MGAT4C: variants seen among roughly 807,000 people sequenced by gnomAD.
MGAT4C encodes the protein MGAT4 family member C.
In MGAT4C, 19 loss-of-function variants were observed where a neutral mutation model predicts 40.1. The observed-to-expected ratio is 0.47, with a 90% CI of 0.33 to 0.70. MGAT4C has a LOEUF of 0.70. Among genes scored for constraint, MGAT4C ranks in the 30% least tolerant of loss-of-function variants. MGAT4C has a pLI of 0.02. For synonymous variants in MGAT4C, 181 were observed against 187.1 expected, an observed-to-expected ratio of 0.97 and a Z score of 0.27; for missense variants, 491 against 563.2, an observed-to-expected ratio of 0.87 and a Z score of 1.30.
At chr12:86,408,586 C>A (rs1956536182) in intron 3 of MGAT4C, among the ~76,000 whole-genome samples, 1 of 147,726 alleles carries the variant, frequency 6.8e-6, no homozygotes, top group African/African-American at 2.5e-5. Flanking sequence ...TTTTGCTTCC[C>A]CAACTGGTTT....
chr12:86,251,078 T>C (rs183126394), intron 1 of MGAT4C, among the ~76,000 whole-genome samples: 1 of 150,974 alleles, frequency 6.6e-6, no homozygotes, highest in Non-Finnish European at 1.5e-5. Context: ...GCTTATAAGA[T>C]TAGTTCATGA....
intron 4 of MGAT4C, among the ~76,000 whole-genome samples, chr12:86,316,050 A>G (rs1592687511): frequency 6.9e-6 from 1 of 144,278 alleles, no homozygotes; most frequent in African/African-American, 2.5e-5. Flanking sequence ...ACATGAATGG[A>G]AATTTTTCAA....
At chr12:86,507,412 G>A (rs998897338) in intron 2 of MGAT4C, among the ~76,000 whole-genome samples, 1 of 152,124 alleles carries the variant, frequency 6.6e-6, no homozygotes, top group African/African-American at 2.4e-5. Context: ...TTTGACTTGA[G>A]GTTTGAATAT....
At chr12:86,178,187 T>C (rs554956363) in intron 1 of MGAT4C, among the ~76,000 whole-genome samples, 236 of 152,254 alleles carry the variant, frequency 1.6e-3, no homozygotes, top group South Asian at 0.015. Context: ...CCGCCCGCCT[T>C]GGCCTCCCAA....
intron 1 of MGAT4C, among the ~76,000 whole-genome samples, chr12:86,167,030 G>A (rs1301751859): frequency 6.6e-6 from 1 of 152,022 alleles, no homozygotes; most frequent in African/African-American, 2.4e-5. Flanking sequence ...ATATACTTTA[G>A]TTCTCTCAAC....
At position 86,686,797 on chromosome 12, in the gene MGAT4C, T is replaced by G. The variant is rs1438003475; in HGVS notation, c.-229+40412A>C. 7.9e-5 allele frequency among the ~76,000 whole-genome samples: 12 copies of G among 152,226 alleles called. No individual in the cohort carries two copies. The East Asian group carries it at 2.3e-3, about 29-fold the overall frequency. On this transcript the variant is annotated intron_variant, in intron 2 of 7. Coordinates refer to the MGAT4C transcript ENST00000548651. ...TCGGAGATACTGGCCTGAATTTTTC[T>G]CTTTTTGTTATGTCTCTGCCAGGTT... is the stretch of plus-strand genomic sequence containing the variant.
intron 4 of MGAT4C, among the ~76,000 whole-genome samples, chr12:86,303,764 T>C (rs944616453): frequency 1.3e-5 from 2 of 150,572 alleles, no homozygotes. Context: ...ATTAATACAC[T>C]AATTTCATTT....
intron 3 of MGAT4C, among the ~76,000 whole-genome samples, chr12:86,376,842 G>A (rs201952407): frequency 3.2e-5 from 2 of 62,852 alleles, no homozygotes; most frequent in Non-Finnish European, 7.4e-5. Flanking sequence ...GAGAGAGAGA[G>A]ACAGAGAGAG....
chr12:86,597,398 G>A (rs1010802281), intron 2 of MGAT4C, among the ~76,000 whole-genome samples: 1 of 152,296 alleles, frequency 6.6e-6, no homozygotes, highest in South Asian at 2.1e-4. Context: ...GAAAAAGGAA[G>A]AGGGAGAAAT....
chr12:86,443,278 T>C (rs1957268546), intron 2 of MGAT4C, among the ~76,000 whole-genome samples: 1 of 152,122 alleles, frequency 6.6e-6, no homozygotes, highest in Non-Finnish European at 1.5e-5. Context: ...TTTCATGTTA[T>C]TACACAGGTT....
intron 1 of MGAT4C, among the ~76,000 whole-genome samples, chr12:86,739,989 T>C (rs1951044217): frequency 6.6e-6 from 1 of 150,952 alleles, no homozygotes; most frequent in Non-Finnish European, 1.5e-5. Context: ...GCTAAAAAGC[T>C]TCTCCAAGGA....
At chr12:86,497,009 A>C (rs1027432629) in intron 2 of MGAT4C, among the ~76,000 whole-genome samples, 36 of 152,186 alleles carry the variant, frequency 2.4e-4, no homozygotes, top group African/African-American at 8.7e-4. Context: ...TTACAGTTTC[A>C]AATTAAAGGT....
intron 1 of MGAT4C, among the ~76,000 whole-genome samples, chr12:86,813,318 C>A (rs1316865843): frequency 6.6e-6 from 1 of 152,044 alleles, no homozygotes; most frequent in African/African-American, 2.4e-5. Flanking sequence ...TTTCCCTACA[C>A]TGACGTCACA....
At chr12:86,801,121 G>T (rs1349141025) in intron 1 of MGAT4C, among the ~76,000 whole-genome samples, 1 of 151,838 alleles carries the variant, frequency 6.6e-6, no homozygotes, top group African/African-American at 2.4e-5. Flanking sequence ...AGCGTGTGGT[G>T]TAAAGGCATT....
chr12:86,567,678 G>C (rs1030487706), intron 2 of MGAT4C, among the ~76,000 whole-genome samples: 3 of 152,172 alleles, frequency 2.0e-5, no homozygotes, highest in Non-Finnish European at 4.4e-5. Context: ...TGAGGTGCTT[G>C]CTGAAGGCAA....
intron 3 of MGAT4C, among the ~76,000 whole-genome samples, chr12:86,358,959 G>T (rs1455816004): frequency 6.6e-6 from 1 of 152,162 alleles, no homozygotes; most frequent in Non-Finnish European, 1.5e-5. Context: ...ATTGAACTCA[G>T]CTCTGCACCA....
chr12:86,160,752 C>T (rs2135798995), intron 1 of MGAT4C, among the ~76,000 whole-genome samples: 1 of 152,094 alleles, frequency 6.6e-6, no homozygotes, highest in African/African-American at 2.4e-5. Flanking sequence ...AATCTGGGTG[C>T]TCCAATGTTG....
chr12:85,992,932 A>C (rs899886996), intron 2 of MGAT4C, among the ~76,000 whole-genome samples: 7 of 152,184 alleles, frequency 4.6e-5, no homozygotes, highest in African/African-American at 1.7e-4. Flanking sequence ...CAAACCCCAG[A>C]GGTGCCTCCA....
At chr12:86,110,841 G>A (rs983845299) in intron 1 of MGAT4C, among the ~76,000 whole-genome samples, 12 of 151,592 alleles carry the variant, frequency 7.9e-5, no homozygotes, top group African/African-American at 2.9e-4. Context: ...TAATTTATAT[G>A]ATGATAACTA....
Sources: gnomAD v4.1 joint callset for allele counts (sites outside exome capture counted in the v4.1 genomes callset) on GRCh38, gnomAD v4.1.1 for gene constraint, MANE v1.5 for transcripts, NCBI Gene and HGNC (gene_info 2026-07-23, HGNC 2026-07-21) for gene names.